Variants in ETFDH observed in about 807,000 individuals in gnomAD.
ETFDH encodes electron transfer flavoprotein-ubiquinone oxidoreductase, mitochondrial.
In ETFDH, 61 loss-of-function variants were observed where a neutral mutation model predicts 73.2. That is an observed-to-expected ratio of 0.83 (90% CI 0.68 to 1.03). The LOEUF is 1.03. ETFDH is among the 50% of genes least tolerant of loss of function. The probability of loss-of-function intolerance (pLI) is 0.00; values close to 1 mark genes in which losing one functional copy is unlikely to be tolerated. For synonymous variants in ETFDH, 243 were observed against 253.3 expected, an observed-to-expected ratio of 0.96 and a Z score of 0.39; for missense variants, 685 against 745.0, an observed-to-expected ratio of 0.92 and a Z score of 0.94.
At chr4:158,706,143 ACATTTGGGCAGTTTCG>A in intron 10 of ETFDH, 30 bp from the exon 11 acceptor site, 1 of 1,281,140 alleles carries the variant, frequency 7.8e-7, no homozygotes, top group Non-Finnish European at 1.1e-6. Flanking sequence ...TATTTTACAC[ACATTTGGGCAGTTTCG>A]CACTTAACAT....
rs1279728239 is a variant in ETFDH at position 158,706,829 on chromosome 4, G to A, written c.1669G>A (p.Glu557Lys). ...AAATCTGTCGATATATGATGGGCCCGAGCAGCGATTCTGTCCTGCAGGTAA... is the reference window on the plus strand; with the variant it reads ...AAATCTGTCGATATATGATGGGCCCAAGCAGCGATTCTGTCCTGCAGGTAA... ...NRNLSIYDGP[E>K]QRFCPAGVYE... The change falls in exon 12 of 13, where the codon GAG becomes AAG. Residue 557 changes from glutamate (E) to lysine (K), a missense_variant. This residue lies in a region of ETFDH where 201 missense variants were observed against 225.2 expected (regional missense o/e 0.89). Coordinates refer to ENST00000511912, the MANE Select transcript of ETFDH (RefSeq NM_004453.4). 18 of 1,607,852 alleles carry A rather than the reference G, an allele frequency of 1.1e-5. No homozygotes were observed. The highest frequency in any genetic ancestry group is 4.5e-5 in the East Asian group (2 of 44,874).
intron 3 of ETFDH, among the ~76,000 whole-genome samples, chr4:158,682,716 G>T (rs997565088): frequency 2.6e-5 from 4 of 151,832 alleles, no homozygotes; most frequent in African/African-American, 9.7e-5. Context: ...TGTATTTTTA[G>T]TAGAGACAGG....
chr4:158,702,715 T>G (rs560490768), intron 9 of ETFDH, among the ~76,000 whole-genome samples: 12 of 152,362 alleles, frequency 7.9e-5, no homozygotes, highest in Admixed American at 2.0e-4. Context: ...CATTCATCTG[T>G]TGATGGACAC....
intron 9 of ETFDH, among the ~76,000 whole-genome samples, chr4:158,699,953 G>T (rs1285678938): frequency 2.6e-5 from 4 of 152,162 alleles, no homozygotes; most frequent in African/African-American, 4.8e-5. Context: ...ATCTAAAAAT[G>T]TGCTCTAAAG....
chr4:158,672,434 C>CGA lies in ETFDH; in HGVS notation c.-19_-18dup, dbSNP rs750750214. ...GGACAGTCCTCCTGTTGTGTCCGAC[C>CGA]GAGAGTCCTGGTGACTTTGAACATG... is the stretch of plus-strand genomic sequence containing the variant. On this transcript the variant is annotated 5_prime_UTR_variant, in exon 1 of 13. Transcript: ENST00000511912. 1.2e-6 allele frequency: 2 copies of CGA among 1,614,004 alleles called. No individual in the cohort carries two copies. The highest frequency in any genetic ancestry group is 1.7e-5 in the Admixed American group (1 of 60,026).
intron 6 of ETFDH, among the ~76,000 whole-genome samples, chr4:158,691,513 T>C (rs568186099): frequency 3.3e-4 from 50 of 152,198 alleles, no homozygotes; most frequent in African/African-American, 1.2e-3. Context: ...TTATTAGAGA[T>C]GGGGTTTTGC....
Position 158,680,461 on chromosome 4 carries a change from G to C in ETFDH, c.35-6G>C, listed in dbSNP as rs753999138. The stretch of plus-strand genomic sequence containing the variant: ...GAAGATAATAATTTTCGTAATTTTT[G>C]TGCAGCATATCAGTGCTTTCATGCC... On this transcript the variant is annotated splice_region_variant and splice_polypyrimidine_tract_variant and intron_variant, in intron 1 of 12. Coordinates refer to ENST00000511912, the MANE Select transcript of ETFDH (RefSeq NM_004453.4). 1 of 1,599,464 alleles carries C rather than the reference G, an allele frequency of 6.3e-7. No individual in the cohort carries two copies. Among genetic ancestry groups the C allele is most frequent in the Non-Finnish European group, 8.6e-7 (1 of 1,167,122 alleles).
rs377686388 is a variant in ETFDH, at chr4:158,699,015, T to G, written c.1001T>G (p.Leu334Arg). 2 of 1,609,972 alleles carry G rather than the reference T, an allele frequency of 1.2e-6. No homozygotes were observed. Among genetic ancestry groups the G allele is most frequent in the Non-Finnish European group, 1.7e-6 (2 of 1,176,178 alleles). ...VVGLDYQNPY[L>R]SPFREFQRWK... ...GGTCTAGACTATCAGAATCCATACC[T>G]GAGTCCATTTAGAGAGTTCCAAAGG... Residue 334 changes from leucine to arginine, a missense_variant, in exon 9 of 13, where the codon CTG becomes CGG. This residue lies in a region of ETFDH where 405 missense variants were observed against 399.3 expected (regional missense o/e 1.01). Coordinates refer to ENST00000511912, the MANE Select transcript of ETFDH (RefSeq NM_004453.4).
chr4:158,699,243 T>G, intron 9 of ETFDH, 113 bp downstream of exon 9: 1 of 920,924 alleles, frequency 1.1e-6, no homozygotes, highest in Non-Finnish European at 1.8e-6. Flanking sequence ...AGGAAAAGTA[T>G]GTAGAGTTTA....
rs139732133 is a variant in ETFDH at position 158,701,093 on chromosome 4, C to T, written c.1116+1963C>T. 4.6e-3 allele frequency among the ~76,000 whole-genome samples: 698 copies of T among 152,292 alleles called. 2 individuals carry two copies. The highest frequency in any genetic ancestry group is 0.041 in the Middle Eastern group (12 of 294). On this transcript the variant is annotated intron_variant, in intron 9 of 12. Transcript: ENST00000511912. ...TTTAATGAATGTCCCAAACAAGGTGCGTAGCTGCTAGTAACCCAGCCCACC... is the reference window on the plus strand; with the variant it reads ...TTTAATGAATGTCCCAAACAAGGTGTGTAGCTGCTAGTAACCCAGCCCACC...
chr4:158,698,304 A>T (rs1774364154), intron 8 of ETFDH, among the ~76,000 whole-genome samples: 1 of 152,220 alleles, frequency 6.6e-6, no homozygotes, highest in Admixed American at 6.5e-5. Flanking sequence ...CATATGATAC[A>T]TTGTTAAATT....
chr4:158,685,220 G>T lies in ETFDH; in HGVS notation c.606+1G>T, dbSNP rs1241072742. 1 of 1,526,252 alleles carries T rather than the reference G, an allele frequency of 6.6e-7. No individual in the cohort carries two copies. 94.5% of individuals were successfully genotyped at this position (1,526,252 alleles called of 1,614,324 possible). A position where few individuals can be genotyped will look rare whatever the true frequency, so the allele number is the denominator to read the frequency against. On this transcript the variant is annotated splice_donor_variant, in intron 5 of 12. Transcript: ENST00000511912. LOFTEE classifies it high-confidence loss of function. ...ATACCCTGGTTATGCAGCTGCTGAG[G>T]TTTGTATAGTTTTGTTTTGTTTTAA...
At chr4:158,673,305 A>C (rs1489320319) in intron 1 of ETFDH, among the ~76,000 whole-genome samples, 1 of 152,222 alleles carries the variant, frequency 6.6e-6, no homozygotes, top group Non-Finnish European at 1.5e-5. Flanking sequence ...TCCGTCTCAA[A>C]AAAAAATTAA....
Position 158,706,720 on chromosome 4 carries a change from A to T in ETFDH, c.1560A>T (p.Ser520=), listed in dbSNP as rs566844923. 1 of 1,614,034 alleles carries T rather than the reference A, an allele frequency of 6.2e-7. No homozygotes were observed. Residue 520 remains serine (S), a synonymous_variant, in exon 12 of 13, where the codon TCA becomes TCT. Coordinates refer to ENST00000511912, the MANE Select transcript of ETFDH (RefSeq NM_004453.4). The part of the protein sequence containing the change: ...PDGQISFDLL[S]SVALSGTNHE... ...GACAGATCAGTTTTGACCTCTTGTC[A>T]TCTGTGGCTCTGAGTGGTACTAATC...
chr4:158,702,881 T>C (rs1774501743), intron 9 of ETFDH, among the ~76,000 whole-genome samples: 1 of 152,220 alleles, frequency 6.6e-6, no homozygotes, highest in South Asian at 2.1e-4. Flanking sequence ...TGTAGCTTTT[T>C]TAAGGAACCT....
chr4:158,682,486 C>A (rs1450444147), intron 3 of ETFDH, 62 bp downstream of exon 3: 1 of 1,284,458 alleles, frequency 7.8e-7, no homozygotes, highest in Non-Finnish European at 1.1e-6. Flanking sequence ...AGTAATTGTT[C>A]CCAAATTACT....
At chr4:158,704,305 G>C (rs1561250316) in intron 10 of ETFDH, among the ~76,000 whole-genome samples, 1 of 152,154 alleles carries the variant, frequency 6.6e-6, no homozygotes, top group Non-Finnish European at 1.5e-5. Context: ...ATAGGCCTAT[G>C]ACTCTTCTGC....
At chr4:158,697,266 TG>T (rs1774331613) in intron 7 of ETFDH, among the ~76,000 whole-genome samples, 2 of 152,078 alleles carry the variant, frequency 1.3e-5, no homozygotes, top group Non-Finnish European at 1.5e-5. Flanking sequence ...AGCTAATTTT[TG>T]TAGTTTTAGT....
chr4:158,694,215 T>A (rs1774251239), intron 6 of ETFDH, among the ~76,000 whole-genome samples: 1 of 152,194 alleles, frequency 6.6e-6, no homozygotes, highest in Non-Finnish European at 1.5e-5. Flanking sequence ...GCACAGAACC[T>A]GGCACATTGT....
Sources: allele counts gnomAD v4.1 joint callset (sites outside exome capture counted in the v4.1 genomes callset), GRCh38; gene constraint gnomAD v4.1.1; regional missense constraint gnomAD v4.1.1; transcripts MANE v1.5; gene names NCBI Gene and HGNC (gene_info 2026-07-23, HGNC 2026-07-21).